Variants in ALOX5 observed in about 807,000 individuals in gnomAD.
The protein encoded by ALOX5 is polyunsaturated fatty acid 5-lipoxygenase.
ALOX5 carries 64 observed loss-of-function variants against 87.9 expected under a neutral mutation model. The ratio of observed to expected loss-of-function variants is 0.73; its 90% CI spans 0.60 to 0.90. ALOX5 has a LOEUF of 0.90. ALOX5 is among the 40% of genes least tolerant of loss of function. The pLI is 0.00. For synonymous variants in ALOX5, 388 were observed against 355.1 expected (o/e 1.09, Z -1.04); for missense variants, 822 against 907.5 (o/e 0.91, Z 1.21).
At chr10:45,394,205 T>C (rs1335758065) in intron 2 of ALOX5, among the ~76,000 whole-genome samples, 1 of 152,132 alleles carries the variant, frequency 6.6e-6, no homozygotes, top group Non-Finnish European at 1.5e-5. Context: ...CTTCAAACTA[T>C]ACTACAAGGC....
Position 45,428,620 on chromosome 10 carries a change from AG to A in ALOX5, c.840del (p.Asn281ThrfsTer121). ...QLSLEQEVQQGNIFIVDFELL... is the reference protein window; with the variant it reads ...QLSLEQEVQQXNIFIVDFELL... Reference sequence around the variant, plus strand: ...ACACATCTCTCTGCCTCCTGCAGCAAGGGAACATTTTCATCGTGGACTTTGA... The same window carrying A: ...ACACATCTCTCTGCCTCCTGCAGCAAGGAACATTTTCATCGTGGACTTTGA... On this transcript the variant is annotated frameshift_variant, in exon 7 of 14. Transcript: ENST00000374391. LOFTEE classifies it high-confidence loss of function. The A allele has an allele frequency of 6.2e-7, 1 of 1,614,108 alleles. No individual in the cohort carries two copies. The highest frequency in any genetic ancestry group is 8.5e-7 in the Non-Finnish European group (1 of 1,180,030).
rs779128700 is a variant in ALOX5 at position 45,440,514 on chromosome 10, C to T, written c.1066C>T (p.Arg356Cys). 4 of 1,614,096 alleles carry T rather than the reference C, an allele frequency of 2.5e-6. No individual in the cohort carries two copies. Among genetic ancestry groups the T allele is most frequent in the Admixed American group, 3.3e-5 (2 of 60,008 alleles). ...YDWLLAKIWVRSSDFHVHQTI... is the reference protein window; with the variant it reads ...YDWLLAKIWVCSSDFHVHQTI... ...CTGGCTTTTGGCCAAAATCTGGGTG[C>T]GTTCCAGTGACTTCCACGTCCACCA... is the stretch of plus-strand genomic sequence containing the variant. The change falls in exon 8 of 14, where the codon CGT becomes TGT. Residue 356 changes from arginine to cysteine, a missense_variant. Arg to Cys is a radical substitution (Grantham distance 180). Coordinates refer to ENST00000374391, the MANE Select transcript of ALOX5 (RefSeq NM_000698.5).
At chr10:45,403,974 A>G (rs1308220170) in intron 3 of ALOX5, among the ~76,000 whole-genome samples, 1 of 152,216 alleles carries the variant, frequency 6.6e-6, no homozygotes, top group Admixed American at 6.5e-5. Flanking sequence ...AATGCCCATA[A>G]AATTCATTTA....
chr10:45,385,971 G>C (rs1410681376), intron 2 of ALOX5, among the ~76,000 whole-genome samples: 2 of 152,146 alleles, frequency 1.3e-5, no homozygotes, highest in African/African-American at 2.4e-5. Flanking sequence ...GGGTGGCTAA[G>C]GCGGGAGGAT....
chr10:45,400,669 T>C (rs1040586538), intron 3 of ALOX5, among the ~76,000 whole-genome samples: 2 of 152,150 alleles, frequency 1.3e-5, no homozygotes, highest in African/African-American at 4.8e-5. Context: ...TTCAAAAATA[T>C]GCTAAATGGA....
chr10:45,419,840 C>T (rs974699292), intron 4 of ALOX5, among the ~76,000 whole-genome samples: 1 of 152,128 alleles, frequency 6.6e-6, no homozygotes, highest in African/African-American at 2.4e-5. Context: ...AGTGGACGGG[C>T]AGGGTGCCTG....
chr10:45,385,559 A>G (rs182457780), intron 2 of ALOX5, among the ~76,000 whole-genome samples: 6 of 152,324 alleles, frequency 3.9e-5, no homozygotes, highest in African/African-American at 1.4e-4. Context: ...TGACTTATTC[A>G]TACCAGTGAA....
intron 10 of ALOX5, 30 bp from the exon 11 acceptor site, chr10:45,443,386 C>T (rs1477536153): frequency 2.5e-6 from 4 of 1,594,574 alleles, no homozygotes; most frequent in South Asian, 2.2e-5. Flanking sequence ...CTGGCTGGGT[C>T]GCCCACCCCG....
intron 7 of ALOX5, among the ~76,000 whole-genome samples, chr10:45,432,987 G>T (rs374401474): frequency 1.2e-4 from 19 of 152,206 alleles, no homozygotes; most frequent in African/African-American, 3.9e-4. Flanking sequence ...GTGGAAAAAT[G>T]AGCAGAGAAT....
At chr10:45,410,198 A>G (rs1841023202) in intron 3 of ALOX5, among the ~76,000 whole-genome samples, 2 of 152,252 alleles carry the variant, frequency 1.3e-5, no homozygotes, top group Non-Finnish European at 2.9e-5. Context: ...TTAAATTGAT[A>G]TGACTAATGA....
chr10:45,374,459 C>T (rs754871360), intron 1 of ALOX5, 30 bp downstream of exon 1: 4 of 1,503,144 alleles, frequency 2.7e-6, no homozygotes, highest in Non-Finnish European at 3.5e-6. Flanking sequence ...GGGTGGAGCG[C>T]GGGCTGAGGT....
chr10:45,424,107 C>G lies in ALOX5; in HGVS notation c.621C>G (p.Asp207Glu). 1 of 1,614,214 alleles carries G rather than the reference C, an allele frequency of 6.2e-7. No homozygotes were observed. The highest frequency in any genetic ancestry group is 8.5e-7 in the Non-Finnish European group (1 of 1,180,032). Residue 207 changes from aspartate (D) to glutamate (E), a missense_variant, in exon 5 of 14, where the codon GAC (aspartate) becomes GAG (glutamate). Transcript: ENST00000374391. ...AGTCTTCTTGGAATGACTTCGCCGACTTTGAGAAAATCTTTGTCAAGATCA... is the reference window on the plus strand; with the variant it reads ...AGTCTTCTTGGAATGACTTCGCCGAGTTTGAGAAAATCTTTGTCAAGATCA... Reference protein sequence around the residue: ...MFQSSWNDFADFEKIFVKISN... With the variant: ...MFQSSWNDFAEFEKIFVKISN...
intron 2 of ALOX5, 112 bp from the exon 3 acceptor site, chr10:45,395,743 G>A: frequency 1.2e-6 from 1 of 833,806 alleles, no homozygotes. Flanking sequence ...ATGAGGTCAT[G>A]CACATAAAGC....
intron 3 of ALOX5, among the ~76,000 whole-genome samples, chr10:45,396,949 A>G (rs560769313): frequency 1.3e-5 from 2 of 152,366 alleles, no homozygotes; most frequent in Non-Finnish European, 2.9e-5. Context: ...AATAGAGTAA[A>G]TAACAAAACA....
At position 45,425,418 on chromosome 10, in the gene ALOX5, G is replaced by A. The variant is rs1841672204; in HGVS notation, c.834+286G>A. Reference sequence around the variant, plus strand: ...ACTATCAGTATCAATAATTACAGGAGCTACCCTTGATTAGGGGCCTGTGGT... The same window carrying A: ...ACTATCAGTATCAATAATTACAGGAACTACCCTTGATTAGGGGCCTGTGGT... On this transcript the variant is annotated intron_variant, in intron 6 of 13. Transcript: ENST00000374391. This position sits in a 1 kb window ranked among gnomAD's most constrained non-coding sequence, Gnocchi z 4.4. Among the ~76,000 whole-genome samples the A allele has an allele frequency of 6.6e-6, 1 of 152,180 alleles. No individual in the cohort carries two copies. Among genetic ancestry groups the A allele is most frequent in the South Asian group, 2.1e-4 (1 of 4,828 alleles).
At position 45,441,437 on chromosome 10, in the gene ALOX5, G is replaced by T; in HGVS notation, c.1272+7G>T. On this transcript the variant is annotated splice_region_variant and intron_variant, in intron 9 of 13. Coordinates refer to ENST00000374391, the MANE Select transcript of ALOX5 (RefSeq NM_000698.5). ...GTGTGGCCTCTTTGACAAGGTGGGT[G>T]CCCTCCTACCCTACTTGTTGCCTGG... The T allele has an allele frequency of 6.2e-7, 1 of 1,612,742 alleles. No homozygotes were observed. The highest frequency in any genetic ancestry group is 8.5e-7 in the Non-Finnish European group (1 of 1,178,974).
At chr10:45,411,195 A>G (rs1441118091) in intron 3 of ALOX5, among the ~76,000 whole-genome samples, 2 of 152,196 alleles carry the variant, frequency 1.3e-5, no homozygotes, top group South Asian at 2.1e-4. Context: ...AGTGGTGAGG[A>G]TGAACAGAGG....
At chr10:45,396,009 A>T in intron 3 of ALOX5, 73 bp downstream of exon 3, 9 of 1,490,856 alleles carry the variant, frequency 6.0e-6, no homozygotes, top group Non-Finnish European at 8.4e-6. Context: ...GTATGAAATA[A>T]ACCCTTTCCA....
intron 2 of ALOX5, among the ~76,000 whole-genome samples, chr10:45,385,856 G>A (rs534339118): frequency 2.3e-4 from 35 of 152,222 alleles, no homozygotes; most frequent in Admixed American, 7.9e-4. Context: ...AAGTGCTGTC[G>A]GGTGGACAGC....
Sources: allele counts gnomAD v4.1 joint callset (sites outside exome capture counted in the v4.1 genomes callset), GRCh38; gene constraint gnomAD v4.1.1; non-coding constraint Gnocchi (gnomAD v3.1); transcripts MANE v1.5; gene names NCBI Gene and HGNC (gene_info 2026-07-23, HGNC 2026-07-21).